DACH2: variants seen among roughly 807,000 people sequenced by gnomAD.
DACH2 encodes dachshund homolog 2.
In DACH2, 17 loss-of-function variants were observed where a neutral mutation model predicts 35.8. The ratio of observed to expected loss-of-function variants is 0.48; its 90% confidence interval spans 0.33 to 0.71. DACH2 has a LOEUF of 0.71. Ranked by LOEUF, DACH2 falls within the 30% of genes least tolerant of loss-of-function variation. The pLI is 0.02. For synonymous variants in DACH2, 195 were observed against 177.3 expected (o/e 1.10, Z -0.79); for missense variants, 469 against 472.7 (o/e 0.99, Z 0.07).
rs371326804 is a variant in DACH2 at position 86,714,537 on chromosome X, G to C, written c.932-11G>C. On this transcript the variant is annotated splice_polypyrimidine_tract_variant and intron_variant, in intron 5 of 11. Transcript: ENST00000373125. ...TAATGTAACAAGTTTAATATGCACT[G>C]TCTCTTTTAGGACTGGATCTGCCAT... is the stretch of plus-strand genomic sequence containing the variant. 428 of 1,171,968 alleles carry C rather than the reference G, an allele frequency of 3.7e-4. No individual in the cohort carries two copies. The highest frequency in any genetic ancestry group is 4.7e-4 in the Non-Finnish European group (412 of 868,500).
chrX:86,659,801 C>T (rs930138448), intron 4 of DACH2, among the ~76,000 whole-genome samples: 8 of 111,503 alleles, frequency 7.2e-5, no homozygotes, highest in African/African-American at 1.9e-4. Flanking sequence ...ATCACATTGC[C>T]TTTGAATTCT....
intron 1 of DACH2, among the ~76,000 whole-genome samples, chrX:86,321,261 A>T (rs770916301): frequency 8.9e-6 from 1 of 111,888 alleles, no homozygotes; most frequent in Admixed American, 9.5e-5. Context: ...CACACTGCAA[A>T]GTTTCAACTT....
chrX:86,572,029 A>C (rs2148332708), intron 3 of DACH2, among the ~76,000 whole-genome samples: 1 of 111,264 alleles, frequency 9.0e-6, no homozygotes, highest in African/African-American at 3.3e-5. Flanking sequence ...TTTTTAAAAA[A>C]ATTCAAAGTT....
intron 3 of DACH2, among the ~76,000 whole-genome samples, chrX:86,588,321 C>T (rs1413681304): frequency 1.8e-5 from 2 of 110,359 alleles, no homozygotes; most frequent in African/African-American, 6.6e-5. Flanking sequence ...CTTTTTTCCC[C>T]CTTAGGACTG....
At chrX:86,191,100 C>A in intron 1 of DACH2, among the ~76,000 whole-genome samples, 1 of 111,735 alleles carries the variant, frequency 8.9e-6, no homozygotes, top group African/African-American at 3.3e-5. Flanking sequence ...ACAGAACTGC[C>A]ATTTGACCCA....
intron 5 of DACH2, among the ~76,000 whole-genome samples, chrX:86,707,024 A>T (rs943602641): frequency 3.6e-5 from 4 of 110,783 alleles, no homozygotes; most frequent in African/African-American, 1.3e-4. Context: ...GAAACAGAAA[A>T]TCAACAGAGA....
intron 1 of DACH2, among the ~76,000 whole-genome samples, chrX:86,363,376 A>T (rs1602443019): frequency 9.0e-6 from 1 of 111,424 alleles, no homozygotes; most frequent in Non-Finnish European, 1.9e-5. Context: ...TCTGGTAATG[A>T]TCCTTCTTAC....
chrX:86,247,349 A>G (rs2033306840), intron 1 of DACH2, among the ~76,000 whole-genome samples: 1 of 111,612 alleles, frequency 9.0e-6, no homozygotes, highest in Non-Finnish European at 1.9e-5. Flanking sequence ...CTTTTAAAGA[A>G]TAAATAGATC....
chrX:86,148,881 A>G lies in DACH2; in HGVS notation c.261A>G (p.Glu87=), dbSNP rs2030257532. 1 of 1,209,120 alleles carries G rather than the reference A, an allele frequency of 8.3e-7. No individual in the cohort carries two copies. Residue 87 remains glutamate (E), a synonymous_variant, in exon 1 of 12, where the codon GAA becomes GAG. Coordinates refer to ENST00000373125, the MANE Select transcript of DACH2 (RefSeq NM_053281.3). ...CTTCGTTCCTGATGGACGGCCAGGAACTGATCTGCCTGCCGCAAGTCTTTG... is the reference window on the plus strand; with the variant it reads ...CTTCGTTCCTGATGGACGGCCAGGAGCTGATCTGCCTGCCGCAAGTCTTTG... ...KVASFLMDGQ[E]LICLPQVFDL... is the part of the protein sequence containing the mutation.
At chrX:86,335,255 A>C (rs1221853683) in intron 1 of DACH2, among the ~76,000 whole-genome samples, 1 of 111,626 alleles carries the variant, frequency 9.0e-6, no homozygotes. Flanking sequence ...GTTCCATATA[A>C]AATTTAAAGT....
At chrX:86,593,371 A>G (rs2039671220) in intron 3 of DACH2, among the ~76,000 whole-genome samples, 1 of 102,220 alleles carries the variant, frequency 9.8e-6, no homozygotes, top group Non-Finnish European at 1.9e-5. Context: ...CTATTTGATC[A>G]TGATGTAATT....
chrX:86,667,356 A>AG lies in DACH2; in HGVS notation c.772+16190dup, dbSNP rs1491365097. Among the ~76,000 whole-genome samples the AG allele has an allele frequency of 1.3e-3, 96 of 75,521 alleles. 1 individual carries two copies. Among genetic ancestry groups the AG allele is most frequent in the East Asian group, 9.2e-3 (21 of 2,281 alleles). The allele number at this position is 75,521 out of a possible 115,157, so 65.6% of individuals were successfully genotyped here. A position where few individuals can be genotyped will look rare whatever the true frequency, so the allele number is the denominator to read the frequency against. ...AAGGAAGGAAGGAAGGAAGGAAGGA[A>AG]GAGGAAGGGAAGGGAGGGAGGAAGG... On this transcript the variant is annotated intron_variant, in intron 4 of 11. Coordinates refer to ENST00000373125, the MANE Select transcript of DACH2 (RefSeq NM_053281.3).
At chrX:86,355,455 G>A (rs2035627117) in intron 1 of DACH2, among the ~76,000 whole-genome samples, 1 of 112,097 alleles carries the variant, frequency 8.9e-6, no homozygotes, top group African/African-American at 3.2e-5. Flanking sequence ...CACAGTGGCT[G>A]AACTAATTAC....
At chrX:86,386,190 T>G (rs746363583) in intron 2 of DACH2, among the ~76,000 whole-genome samples, 34 of 111,683 alleles carry the variant, frequency 3.0e-4, no homozygotes, top group Non-Finnish European at 5.3e-4. Context: ...ATGACCTTGA[T>G]AGTTTTGAGG....
At chrX:86,649,618 C>A (rs1216842335) in intron 3 of DACH2, among the ~76,000 whole-genome samples, 1 of 110,594 alleles carries the variant, frequency 9.0e-6, no homozygotes, top group African/African-American at 3.3e-5. Flanking sequence ...AGGAAATTTC[C>A]CTTCAGATTT....
intron 7 of DACH2, among the ~76,000 whole-genome samples, chrX:86,759,553 GTTGT>G (rs2147281324): frequency 1.1e-5 from 1 of 87,622 alleles, no homozygotes; most frequent in Non-Finnish European, 2.4e-5. Flanking sequence ...TATAGTTGTT[GTTGT>G]TTGTTTTTTT....
chrX:86,684,986 A>G (rs188680258), intron 4 of DACH2, among the ~76,000 whole-genome samples: 61 of 112,161 alleles, frequency 5.4e-4, no homozygotes, highest in African/African-American at 2.6e-4. Context: ...AACTTTTAAA[A>G]CATATATTCT....
At chrX:86,208,764 T>C (rs1271262131) in intron 1 of DACH2, among the ~76,000 whole-genome samples, 1 of 111,777 alleles carries the variant, frequency 8.9e-6, no homozygotes. Context: ...TTTTATTAAT[T>C]GAGCAAGCAT....
At chrX:86,648,615 A>T (rs185663423) in intron 3 of DACH2, among the ~76,000 whole-genome samples, 1 of 110,799 alleles carries the variant, frequency 9.0e-6, no homozygotes, top group Non-Finnish European at 1.9e-5. Context: ...CTGAAGACTA[A>T]ACAAATAGGA....
Sources: allele counts gnomAD v4.1 joint callset (sites outside exome capture counted in the v4.1 genomes callset), GRCh38; gene constraint gnomAD v4.1.1; transcripts MANE v1.5; gene names NCBI Gene and HGNC (gene_info 2026-07-23, HGNC 2026-07-21).